SKIC3: variants seen among roughly 807,000 people sequenced by gnomAD.
SKIC3 encodes the protein SKI3 subunit of superkiller complex, also known as superkiller complex protein 3.
the SKIC3 span, chr5:95,514,820 C>G: frequency 6.2e-7 from 1 of 1,600,688 alleles, no homozygotes; most frequent in Non-Finnish European, 8.5e-7. Flanking sequence ...TTGATATCAA[C>G]AAGCTTATTA....
chr5:95,465,172 T>C, the SKIC3 span, among the ~76,000 whole-genome samples: 2 of 152,072 alleles, frequency 1.3e-5, no homozygotes, highest in Non-Finnish European at 2.9e-5. Flanking sequence ...TCAAGTAATC[T>C]GCTGGCCTTG....
At chr5:95,528,911 G>T in the SKIC3 span, 6 of 1,116,830 alleles carry the variant, frequency 5.4e-6, no homozygotes, top group Non-Finnish European at 7.9e-6. Context: ...TAGCATTTTG[G>T]TTTTTAAAAA....
At chr5:95,471,330 T>C in the SKIC3 span, among the ~76,000 whole-genome samples, 2 of 152,212 alleles carry the variant, frequency 1.3e-5, no homozygotes, top group Non-Finnish European at 2.9e-5. Flanking sequence ...AGCCCAAAGA[T>C]GACTTTATAA....
At chr5:95,512,341 C>T in the SKIC3 span, 66 of 951,434 alleles carry the variant, frequency 6.9e-5, no homozygotes, top group South Asian at 4.4e-4. Context: ...AAGACTGCTT[C>T]GCTGTTGCAA....
chr5:95,478,156 G>C, the SKIC3 span: 3 of 998,562 alleles, frequency 3.0e-6, no homozygotes, highest in Non-Finnish European at 4.4e-6. Flanking sequence ...AAAATACAAA[G>C]TGTATCAAGA....
chr5:95,538,049 C>T, the SKIC3 span, among the ~76,000 whole-genome samples: 3 of 151,914 alleles, frequency 2.0e-5, no homozygotes, highest in African/African-American at 7.3e-5. Flanking sequence ...TCTAAATACT[C>T]AGTATTCAAG....
the SKIC3 span, chr5:95,482,415 T>C: frequency 6.5e-7 from 1 of 1,542,126 alleles, no homozygotes; most frequent in South Asian, 1.1e-5. Context: ...GCCCTGACAT[T>C]AACTAATATT....
chr5:95,546,447 T>C, the SKIC3 span, among the ~76,000 whole-genome samples: 1 of 152,018 alleles, frequency 6.6e-6, no homozygotes, highest in African/African-American at 2.4e-5. Flanking sequence ...CATCTTATAC[T>C]TTGCCAAGAA....
the SKIC3 span, among the ~76,000 whole-genome samples, chr5:95,526,019 T>C: frequency 6.6e-6 from 1 of 152,204 alleles, no homozygotes; most frequent in Non-Finnish European, 1.5e-5. Flanking sequence ...CCAGATATTG[T>C]AACTTTTTAC....
the SKIC3 span, among the ~76,000 whole-genome samples, chr5:95,490,529 G>A: frequency 1.4e-5 from 2 of 140,180 alleles, no homozygotes; most frequent in Non-Finnish European, 3.0e-5. Context: ...ACGGAGTCTC[G>A]CTCTGTCACC....
the SKIC3 span, among the ~76,000 whole-genome samples, chr5:95,528,470 G>C: frequency 8.5e-5 from 13 of 152,264 alleles, no homozygotes; most frequent in Non-Finnish European, 1.8e-4. Flanking sequence ...CAAAGCACCT[G>C]TAACAAATAT....
At chr5:95,541,349 T>G in the SKIC3 span, 1 of 1,613,638 alleles carries the variant, frequency 6.2e-7, no homozygotes, top group African/African-American at 1.3e-5. Flanking sequence ...ACAAGTTTCT[T>G]GCAGACATCA....
the SKIC3 span, chr5:95,495,008 C>T: frequency 1.1e-5 from 18 of 1,613,738 alleles, no homozygotes; most frequent in East Asian, 3.1e-4. Flanking sequence ...TTTCCTGCTA[C>T]AACACCTCCC....
At chr5:95,526,895 C>T in the SKIC3 span, among the ~76,000 whole-genome samples, 12 of 152,188 alleles carry the variant, frequency 7.9e-5, no homozygotes, top group Admixed American at 2.0e-4. Flanking sequence ...AGGCAAATTT[C>T]TCCTACCTTC....
chr5:95,519,805 T>G, the SKIC3 span, among the ~76,000 whole-genome samples: 1 of 152,040 alleles, frequency 6.6e-6, no homozygotes, highest in African/African-American at 2.4e-5. Flanking sequence ...AGAGAGGCAG[T>G]ATTTATAGCT....
At chr5:95,502,850 A>G in the SKIC3 span, 85 of 1,610,712 alleles carry the variant, frequency 5.3e-5, no homozygotes, top group Non-Finnish European at 7.2e-5. Context: ...GTATCTGGTC[A>G]TGTTAAGTGT....
At chr5:95,473,371 T>C in the SKIC3 span, among the ~76,000 whole-genome samples, 1 of 151,964 alleles carries the variant, frequency 6.6e-6, no homozygotes, top group Admixed American at 6.5e-5. Flanking sequence ...CATCCCAACC[T>C]CCCGAGCTCA....
At chr5:95,523,944 T>G in the SKIC3 span, 1 of 1,186,762 alleles carries the variant, frequency 8.4e-7, no homozygotes, top group East Asian at 2.6e-5. Context: ...ATAATTTCAT[T>G]AAACATACAA....
the SKIC3 span, among the ~76,000 whole-genome samples, chr5:95,475,219 C>G: frequency 7.2e-5 from 11 of 152,278 alleles, no homozygotes; most frequent in South Asian, 1.2e-3. Flanking sequence ...TCTTTCTCAT[C>G]TGGGAGGGTT....
Sources: gnomAD v4.1 joint callset for allele counts (sites outside exome capture counted in the v4.1 genomes callset) on GRCh38, gnomAD v4.1.1 for gene constraint, MANE v1.5 for transcripts, NCBI Gene and HGNC (gene_info 2026-07-23, HGNC 2026-07-21) for gene names.